The following DCC variants were observed in gnomAD, a reference collection of about 807,000 sequenced individuals.
DCC encodes the protein DCC netrin 1 receptor.
In DCC, 58 loss-of-function variants were observed where a neutral mutation model predicts 172.5. That is an observed-to-expected ratio of 0.34 (90% CI 0.27 to 0.42). The LOEUF (loss-of-function observed/expected upper bound fraction) is 0.42. Ranked by LOEUF, DCC falls within the 10% of genes least tolerant of loss-of-function variation. The pLI, the probability that DCC is intolerant of heterozygous loss-of-function variation, is 1.00. For synonymous variants in DCC, 709 were observed against 644.5 expected (o/e 1.10, Z -1.52); for missense variants, 1,740 against 1,791.0 (o/e 0.97, Z 0.51).
intron 7 of DCC, among the ~76,000 whole-genome samples, chr18:53,140,187 G>C (rs73457563): frequency 2.0e-5 from 3 of 152,046 alleles, no homozygotes; most frequent in African/African-American, 4.8e-5. Context: ...CCTTCAAAGA[G>C]TGTTTCTATA....
chr18:53,329,461 T>C (rs1317529359), intron 14 of DCC, among the ~76,000 whole-genome samples: 3 of 151,992 alleles, frequency 2.0e-5, no homozygotes, highest in Non-Finnish European at 4.4e-5. Flanking sequence ...CTTTTCTTTA[T>C]AGTAGCAATA....
intron 2 of DCC, among the ~76,000 whole-genome samples, chr18:52,807,631 A>G (rs868336525): frequency 6.6e-6 from 1 of 152,138 alleles, no homozygotes; most frequent in Non-Finnish European, 1.5e-5. Flanking sequence ...TTTTCATTAC[A>G]TATCAGTCTG....
rs529754300 is a variant in DCC at position 52,642,249 on chromosome 18, C to T, written c.92-109805C>T. Among the ~76,000 whole-genome samples, 8 of 151,814 alleles carry T rather than the reference C, an allele frequency of 5.3e-5. No individual in the cohort carries two copies. The South Asian group carries it at 1.0e-3, about 20-fold the overall frequency. On this transcript the variant is annotated intron_variant, in intron 1 of 28. Coordinates refer to ENST00000442544, the MANE Select transcript of DCC (RefSeq NM_005215.4). ...GAAAACCAAACATCATACGTTCTCA[C>T]TCATATGTGCGAGCTAGGCTGTGAG...
chr18:52,538,001 A>G (rs1401132488), intron 1 of DCC, among the ~76,000 whole-genome samples: 1 of 152,136 alleles, frequency 6.6e-6, no homozygotes, highest in Non-Finnish European at 1.5e-5. Flanking sequence ...GTGGCTACCT[A>G]ACAGAACTTC....
intron 1 of DCC, among the ~76,000 whole-genome samples, chr18:52,549,675 G>A (rs1267408924): frequency 6.6e-6 from 1 of 152,054 alleles, no homozygotes; most frequent in African/African-American, 2.4e-5. Context: ...TTTTGTAGTA[G>A]CATCTCCTAT....
intron 2 of DCC, among the ~76,000 whole-genome samples, chr18:52,783,541 A>G (rs1437626493): frequency 6.6e-6 from 1 of 151,656 alleles, no homozygotes; most frequent in African/African-American, 2.4e-5. Context: ...TTTTTTCTGT[A>G]AAAGACATTG....
chr18:52,388,915 A>G (rs1985922845), intron 1 of DCC, among the ~76,000 whole-genome samples: 1 of 152,170 alleles, frequency 6.6e-6, no homozygotes, highest in Admixed American at 6.5e-5. Flanking sequence ...GTCTCCACAC[A>G]GTGGACACTT....
chr18:53,373,711 C>T (rs2058082848), intron 15 of DCC, among the ~76,000 whole-genome samples: 1 of 152,038 alleles, frequency 6.6e-6, no homozygotes, highest in Non-Finnish European at 1.5e-5. Context: ...AGTATATACT[C>T]AAATGCACAA....
At chr18:52,604,573 CCTT>C (rs1238476356) in intron 1 of DCC, among the ~76,000 whole-genome samples, 2 of 152,100 alleles carry the variant, frequency 1.3e-5, no homozygotes, top group African/African-American at 4.8e-5. Flanking sequence ...TGTGCCTGTC[CCTT>C]CTTTGTGGGG....
intron 1 of DCC, among the ~76,000 whole-genome samples, chr18:52,498,995 T>G (rs989928620): frequency 2.6e-5 from 4 of 152,190 alleles, no homozygotes; most frequent in Admixed American, 2.6e-4. Context: ...TGCCCACATC[T>G]TCTCTCTGAC....
At position 53,427,837 on chromosome 18, in the gene DCC, T is replaced by C. The variant is rs1287469054; in HGVS notation, c.3164-7307T>C. The stretch of plus-strand genomic sequence containing the variant: ...ATATAATATATTAATATATGATATA[T>C]AATATATATATTTCTTTTTATATAT... On this transcript the variant is annotated intron_variant, in intron 21 of 28. Transcript: ENST00000442544. Among the ~76,000 whole-genome samples the C allele has an allele frequency of 3.1e-5, 3 of 96,840 alleles. 1 individual carries two copies. The highest frequency in any genetic ancestry group is 7.3e-5 in the Non-Finnish European group (3 of 41,358). The allele number at this position is 96,840 out of a possible 152,430, so 63.5% of individuals were successfully genotyped here.
intron 5 of DCC, among the ~76,000 whole-genome samples, chr18:52,955,430 T>C (rs1427877518): frequency 6.6e-6 from 1 of 152,080 alleles, no homozygotes; most frequent in Admixed American, 6.6e-5. Context: ...GATTTACCAG[T>C]TGATTTATTC....
intron 15 of DCC, among the ~76,000 whole-genome samples, chr18:53,348,245 G>A (rs2057747426): frequency 2.0e-5 from 3 of 152,126 alleles, no homozygotes; most frequent in South Asian, 4.1e-4. Context: ...GGAGAAATTG[G>A]CCAAAACAAA....
At chr18:52,911,542 T>C (rs1483826359) in intron 3 of DCC, among the ~76,000 whole-genome samples, 5 of 151,940 alleles carry the variant, frequency 3.3e-5, no homozygotes, top group East Asian at 3.9e-4. Flanking sequence ...TAACTACTTA[T>C]TATAACAGTT....
chr18:53,063,825 C>T (rs567545283), intron 6 of DCC, among the ~76,000 whole-genome samples: 1 of 152,276 alleles, frequency 6.6e-6, no homozygotes, highest in African/African-American at 2.4e-5. Context: ...ACTTCTTTGA[C>T]TTTTACCCAT....
At chr18:52,888,529 T>G (rs1367847) in intron 2 of DCC, among the ~76,000 whole-genome samples, 3,181 of 152,228 alleles carry the variant, frequency 0.021, 57 homozygotes, top group Admixed American at 0.039. Flanking sequence ...CCAAGTCAGC[T>G]TATTTCTAGA....
chr18:52,542,073 C>A (rs977707258), intron 1 of DCC, among the ~76,000 whole-genome samples: 2 of 149,188 alleles, frequency 1.3e-5, no homozygotes, highest in African/African-American at 2.5e-5. Flanking sequence ...ATTTATGACA[C>A]CATTACCTTT....
At chr18:52,457,745 A>G (rs970989033) in intron 1 of DCC, among the ~76,000 whole-genome samples, 5 of 152,208 alleles carry the variant, frequency 3.3e-5, no homozygotes, top group Non-Finnish European at 7.3e-5. Flanking sequence ...GCAATTAATT[A>G]CAACTCACAT....
chr18:53,326,138 G>C (rs1409998504), intron 14 of DCC, among the ~76,000 whole-genome samples: 1 of 151,988 alleles, frequency 6.6e-6, no homozygotes, highest in Non-Finnish European at 1.5e-5. Context: ...TTTTCTTATG[G>C]ATGAGAATTG....
Sources: allele counts gnomAD v4.1 joint callset (sites outside exome capture counted in the v4.1 genomes callset), GRCh38; gene constraint gnomAD v4.1.1; transcripts MANE v1.5; gene names NCBI Gene and HGNC (gene_info 2026-07-23, HGNC 2026-07-21).